The following LARP1B variants were observed in gnomAD, a reference collection of about 807,000 sequenced individuals.
The protein encoded by LARP1B is la-related protein 1B.
LARP1B carries 76 observed loss-of-function variants against 114.2 expected under a neutral mutation model. The ratio of observed to expected loss-of-function variants is 0.67; its 90% confidence interval spans 0.55 to 0.81. The LOEUF is 0.81. Ranked by LOEUF, LARP1B falls within the 30% of genes least tolerant of loss-of-function variation. LARP1B has a pLI of 0.00. For synonymous variants in LARP1B, 345 were observed against 348.0 expected (o/e 0.99, Z 0.10); for missense variants, 1,014 against 1,075.8 (o/e 0.94, Z 0.80).
intron 11 of LARP1B, among the ~76,000 whole-genome samples, chr4:128,145,299 C>T (rs1729858437): frequency 6.6e-6 from 1 of 152,128 alleles, no homozygotes; most frequent in African/African-American, 2.4e-5. Context: ...GGACCTTATT[C>T]TGTAGCATGG....
intron 5 of LARP1B, among the ~76,000 whole-genome samples, chr4:128,083,057 A>G (rs1580013100): frequency 6.6e-6 from 1 of 152,068 alleles, no homozygotes; most frequent in Non-Finnish European, 1.5e-5. Flanking sequence ...GTTTAACAAA[A>G]CACATCTTGC....
Position 128,122,188 on chromosome 4 carries a change from G to A in LARP1B, c.1524G>A (p.Lys508=). ...EEDENKHTAI[K]QEVENFKKLN... Reference sequence around the variant, plus strand: ...ATGAAAACAAACACACAGCCATAAAGGTAATTGTTTCTGGCCAACATCTTT... The same window carrying A: ...ATGAAAACAAACACACAGCCATAAAAGTAATTGTTTCTGGCCAACATCTTT... The change falls in exon 11 of 20, where the codon AAG becomes AAA. Residue 508 remains lysine, a splice_region_variant and synonymous_variant. Transcript: ENST00000326639. 6.2e-7 allele frequency: 1 copy of A among 1,611,626 alleles called. No individual in the cohort carries two copies. Among genetic ancestry groups the A allele is most frequent in the Non-Finnish European group, 8.5e-7 (1 of 1,178,108 alleles).
intron 11 of LARP1B, chr4:128,155,597 A>G (rs993095441): frequency 2.0e-6 from 2 of 991,264 alleles, no homozygotes; most frequent in African/African-American, 1.6e-5. Context: ...CCTCTGACCT[A>G]CCCTTAGTCC....
intron 5 of LARP1B, among the ~76,000 whole-genome samples, chr4:128,089,332 A>G (rs1774925597): frequency 6.6e-6 from 1 of 152,184 alleles, no homozygotes; most frequent in African/African-American, 2.4e-5. Context: ...TTAGCAATAT[A>G]TGAATGTTCT....
chr4:128,098,543 T>G (rs1340167087), intron 8 of LARP1B, among the ~76,000 whole-genome samples: 1 of 151,138 alleles, frequency 6.6e-6, no homozygotes, highest in African/African-American at 2.4e-5. Flanking sequence ...ACTGTGTATT[T>G]TCTCCTTCCC....
intron 9 of LARP1B, among the ~76,000 whole-genome samples, chr4:128,113,354 T>C (rs1178221477): frequency 6.7e-6 from 1 of 149,100 alleles, no homozygotes; most frequent in Non-Finnish European, 1.5e-5. Context: ...TTTTTTTCTT[T>C]TTTTTTTTTT....
intron 15 of LARP1B, among the ~76,000 whole-genome samples, chr4:128,194,448 C>G (rs927162922): frequency 1.3e-5 from 2 of 149,594 alleles, no homozygotes; most frequent in Admixed American, 6.6e-5. Flanking sequence ...TTTGGGAGGC[C>G]GAGGCGGGCG....
At chr4:128,167,826 T>G (rs775420904) in intron 12 of LARP1B, among the ~76,000 whole-genome samples, 1 of 152,100 alleles carries the variant, frequency 6.6e-6, no homozygotes, top group Non-Finnish European at 1.5e-5. Flanking sequence ...TGTTTTCTAT[T>G]TTCTATCCCT....
rs555470716 is a variant in LARP1B at position 128,073,109 on chromosome 4, A to G, written c.-77-1351A>G. ...TTATATACATTTTAGATGACAGATT[A>G]CCCTTGAAAGATATACTACCTTGGC... On this transcript the variant is annotated intron_variant, in intron 1 of 19. Coordinates refer to ENST00000326639, the MANE Select transcript of LARP1B (RefSeq NM_018078.4). Among the ~76,000 whole-genome samples, 12 of 152,214 alleles carry G rather than the reference A, an allele frequency of 7.9e-5. No individual in the cohort carries two copies. The East Asian group carries it at 2.3e-3, about 29-fold the overall frequency.
intron 12 of LARP1B, among the ~76,000 whole-genome samples, chr4:128,172,624 T>C (rs147434491): frequency 6.6e-6 from 1 of 151,570 alleles, no homozygotes; most frequent in Admixed American, 6.6e-5. Flanking sequence ...ACCCGGGAGG[T>C]AGAGGTTGCG....
chr4:128,067,849 A>C (rs991514478), intron 1 of LARP1B, among the ~76,000 whole-genome samples: 1 of 152,012 alleles, frequency 6.6e-6, no homozygotes, highest in Admixed American at 6.6e-5. Context: ...AGCTAGGATT[A>C]CAGGCGCTCG....
chr4:128,080,523 T>G (rs1769918337), intron 4 of LARP1B, among the ~76,000 whole-genome samples: 2 of 152,218 alleles, frequency 1.3e-5, no homozygotes, highest in Admixed American at 6.5e-5. Flanking sequence ...TTTGCAGGAT[T>G]TATAGGATAT....
chr4:128,135,404 G>T (rs140307481), intron 11 of LARP1B, among the ~76,000 whole-genome samples: 332 of 152,236 alleles, frequency 2.2e-3, no homozygotes, highest in Non-Finnish European at 3.7e-3. Flanking sequence ...ATGTTATCCA[G>T]CAATACCAAT....
intron 15 of LARP1B, among the ~76,000 whole-genome samples, chr4:128,184,843 T>C (rs1908450): frequency 0.56 from 85,868 of 151,982 alleles, 25,572 homozygotes; most frequent in Middle Eastern, 0.8. Flanking sequence ...GTGGTACTTA[T>C]CTTTCTGTGC....
At chr4:128,085,842 G>GAATT (rs897509244) in intron 5 of LARP1B, among the ~76,000 whole-genome samples, 1 of 152,158 alleles carries the variant, frequency 6.6e-6, no homozygotes, top group Non-Finnish European at 1.5e-5. Context: ...GCCTGTGAGT[G>GAATT]AATTGATTGG....
At chr4:128,143,762 G>A (rs536468843) in intron 11 of LARP1B, among the ~76,000 whole-genome samples, 99 of 142,884 alleles carry the variant, frequency 6.9e-4, no homozygotes, top group Non-Finnish European at 1.3e-3. Context: ...TTGGAGAAAT[G>A]ACAGTATCTG....
At chr4:128,111,821 ACAGGTGCCTAC>A (rs1784213617) in intron 9 of LARP1B, among the ~76,000 whole-genome samples, 1 of 151,116 alleles carries the variant, frequency 6.6e-6, no homozygotes, top group Non-Finnish European at 1.5e-5. Flanking sequence ...AGCTGGGATT[ACAGGTGCCTAC>A]CACCACGCCT....
intron 17 of LARP1B, among the ~76,000 whole-genome samples, chr4:128,201,526 T>G (rs1220496220): frequency 1.3e-5 from 2 of 151,778 alleles, no homozygotes; most frequent in African/African-American, 4.9e-5. Flanking sequence ...CCGCTAGTCC[T>G]GTAGTACTCT....
In LARP1B at chr4:128,210,443, A is replaced by G. The variant is rs1758777623; in HGVS notation, c.*390A>G. On this transcript the variant is annotated 3_prime_UTR_variant, in exon 20 of 20. Coordinates refer to ENST00000326639, the MANE Select transcript of LARP1B (RefSeq NM_018078.4). ...TCAGCTCATACTTCTTAAAGAAGAT[A>G]TAGTATGTTGTATTCTCTTCTTAGA... The G allele has an allele frequency of 9.8e-7, 1 of 1,024,842 alleles. No homozygotes were observed. The highest frequency in any genetic ancestry group is 5.0e-5 in the Admixed American group (1 of 19,818). The allele number at this position is 1,024,842 out of a possible 1,614,324, so 63.5% of individuals were successfully genotyped here. A position where few individuals can be genotyped will look rare whatever the true frequency, so the allele number is the denominator to read the frequency against.
Sources: gnomAD v4.1 joint callset for allele counts (sites outside exome capture counted in the v4.1 genomes callset) on GRCh38, gnomAD v4.1.1 for gene constraint, MANE v1.5 for transcripts, NCBI Gene and HGNC (gene_info 2026-07-23, HGNC 2026-07-21) for gene names.